The following C19orf73 variants were observed in gnomAD, a reference collection of about 807,000 sequenced individuals.
The protein encoded by C19orf73 is chromosome 19 open reading frame 73, also known as putative uncharacterized protein C19orf73.
For synonymous variants in C19orf73, 86 were observed against 79.1 expected (o/e 1.09, Z -0.46); for missense variants, 211 against 177.6 (o/e 1.19, Z -1.07).
chr19:49,119,100 C>A lies in C19orf73; in HGVS notation c.-78G>T. On this transcript the variant is annotated 5_prime_UTR_variant, in exon 1 of 1. Transcript: ENST00000408991. The stretch of plus-strand genomic sequence containing the variant: ...CCACTGCCGGGAGCCGGGGTCGCGA[C>A]TCGCGTTCCACGCCGCGCGCTACTC... 1.9e-6 allele frequency: 3 copies of A among 1,586,752 alleles called. No individual in the cohort carries two copies. Among genetic ancestry groups the A allele is most frequent in the Non-Finnish European group, 2.6e-6 (3 of 1,164,518 alleles).
chr19:49,118,726 C>G lies in C19orf73; in HGVS notation c.297G>C (p.Gln99His), dbSNP rs958245401. 1.2e-6 allele frequency: 2 copies of G among 1,614,052 alleles called. No homozygotes were observed. Among genetic ancestry groups the G allele is most frequent in the Admixed American group, 1.7e-5 (1 of 60,008 alleles). Residue 99 changes from glutamine to histidine, a missense_variant, in exon 1 of 1, where the codon CAG becomes CAC. By Grantham distance (24) the Gln-to-His change is conservative. Transcript: ENST00000408991. Reference protein sequence around the residue: ...LWRKGLGLRPQTLLRVGSVVL... With the variant: ...LWRKGLGLRPHTLLRVGSVVL... ...CAACGCTGCCTACCCTTAAGAGCGT[C>G]TGAGGGCGAAGGCCAAGTCCCTTCC...
chr19:49,118,762 T>A lies in C19orf73; in HGVS notation c.261A>T (p.Ser87=), dbSNP rs752444902. Reference sequence around the variant, plus strand: ...GGCCAAGTCCCTTCCTCCAGAGTCCTGAAACGCAGCCGGAGCCAGTGGGCG... The same window carrying A: ...GGCCAAGTCCCTTCCTCCAGAGTCCAGAAACGCAGCCGGAGCCAGTGGGCG... ...QRPPTGSGCV[S]GLWRKGLGLR... Residue 87 remains serine, a synonymous_variant, in exon 1 of 1, where the codon TCA becomes TCT. Transcript: ENST00000408991. 7.4e-6 allele frequency: 12 copies of A among 1,614,218 alleles called. No individual in the cohort carries two copies. Among genetic ancestry groups the A allele is most frequent in the Non-Finnish European group, 1.0e-5 (12 of 1,180,024 alleles).
Position 49,119,129 on chromosome 19 carries a change from C to T in C19orf73, c.-107G>A, listed in dbSNP as rs893930833. ...CGTTCCACGCCGCGCGCTACTCGCT[C>T]CAGGTGACATCATCCCCCTGCCGGG... On this transcript the variant is annotated 5_prime_UTR_variant, in exon 1 of 1. Coordinates refer to ENST00000408991, the MANE Select transcript of C19orf73 (RefSeq NM_018111.3). 74 of 1,491,212 alleles carry T rather than the reference C, an allele frequency of 5.0e-5. 5 individuals are homozygous for T. The highest frequency in any genetic ancestry group is 2.0e-5 in the Admixed American group (1 of 49,472). 92.4% of individuals were successfully genotyped at this position (1,491,212 alleles called of 1,614,324 possible).
Position 49,118,639 on chromosome 19 carries a change from C to G in C19orf73, c.384G>C (p.Ser128=). 6.2e-7 allele frequency: 1 copy of G among 1,608,198 alleles called. No homozygotes were observed. Among genetic ancestry groups the G allele is most frequent in the Non-Finnish European group, 8.5e-7 (1 of 1,176,092 alleles). ...CAGGCCGGCTTCCAAGAGACTAGTCCGAGGGCGGAGGGCGGAGGCAGGGAC... is the reference window on the plus strand; with the variant it reads ...CAGGCCGGCTTCCAAGAGACTAGTCGGAGGGCGGAGGGCGGAGGCAGGGAC... ...RLGPCLRPPP[S]D The change falls in exon 1 of 1, where the codon TCG becomes TCC. Residue 128 remains serine, a synonymous_variant. Transcript: ENST00000408991.
Position 49,118,972 on chromosome 19 carries a change from C to A in C19orf73, c.51G>T (p.Ala17=), listed in dbSNP as rs1409161176. The stretch of plus-strand genomic sequence containing the variant: ...CGCTCACTCCACCTTCCAAACACAG[C>A]GCGTCTTTCCGGAAGCAGCCCCCGC... ...FQGGGCFRKD[A]LCLEGGVSAR... is the part of the protein sequence containing the mutation. The change falls in exon 1 of 1, where the codon GCG becomes GCT. Residue 17 remains alanine (A), a synonymous_variant. Coordinates refer to ENST00000408991, the MANE Select transcript of C19orf73 (RefSeq NM_018111.3). 4 of 1,613,574 alleles carry A rather than the reference C, an allele frequency of 2.5e-6. No individual in the cohort carries two copies. Among genetic ancestry groups the A allele is most frequent in the Non-Finnish European group, 3.4e-6 (4 of 1,179,858 alleles).
rs2040876905 is a variant in C19orf73 at position 49,118,581 on chromosome 19, G to A, written c.*52C>T. On this transcript the variant is annotated 3_prime_UTR_variant, in exon 1 of 1. Transcript: ENST00000408991. ...CCTTTTCCAGAGTCTGAGAACAGAG[G>A]TTAAGACCTCTCCCTAGGTCTGAAG... The A allele has an allele frequency of 2.8e-5, 45 of 1,579,898 alleles. No individual in the cohort carries two copies. Among genetic ancestry groups the A allele is most frequent in the East Asian group, 4.5e-5 (2 of 44,618 alleles).
Position 49,118,589 on chromosome 19 carries a change from C to A in C19orf73, c.*44G>T. 1 of 1,582,636 alleles carries A rather than the reference C, an allele frequency of 6.3e-7. No homozygotes were observed. Among genetic ancestry groups the A allele is most frequent in the Non-Finnish European group, 8.6e-7 (1 of 1,163,310 alleles). The stretch of plus-strand genomic sequence containing the variant: ...AGAGTCTGAGAACAGAGGTTAAGAC[C>A]TCTCCCTAGGTCTGAAGGCGGAGAC... On this transcript the variant is annotated 3_prime_UTR_variant, in exon 1 of 1. Transcript: ENST00000408991.
chr19:49,118,608 C>T lies in C19orf73; in HGVS notation c.*25G>A, dbSNP rs1172793983. ...TAAGACCTCTCCCTAGGTCTGAAGGCGGAGACAGGCCGGCTTCCAAGAGAC... is the reference window on the plus strand; with the variant it reads ...TAAGACCTCTCCCTAGGTCTGAAGGTGGAGACAGGCCGGCTTCCAAGAGAC... On this transcript the variant is annotated 3_prime_UTR_variant, in exon 1 of 1. Coordinates refer to ENST00000408991, the MANE Select transcript of C19orf73 (RefSeq NM_018111.3). 6 of 1,593,888 alleles carry T rather than the reference C, an allele frequency of 3.8e-6. No individual in the cohort carries two copies. In the South Asian group the frequency reaches 5.6e-5, roughly 15 times the overall value.
chr19:49,118,450 T>C lies in C19orf73; in HGVS notation c.*183A>G, dbSNP rs766046132. Reference sequence around the variant, plus strand: ...GTTCCTGGCACTTTATTTAAAGATATTTGACCCTCACTGAGTGTCTGTGTG... The same window carrying C: ...GTTCCTGGCACTTTATTTAAAGATACTTGACCCTCACTGAGTGTCTGTGTG... On this transcript the variant is annotated 3_prime_UTR_variant, in exon 1 of 1. Transcript: ENST00000408991. 1 of 1,589,010 alleles carries C rather than the reference T, an allele frequency of 6.3e-7. No homozygotes were observed. Among genetic ancestry groups the C allele is most frequent in the Non-Finnish European group, 8.6e-7 (1 of 1,157,264 alleles).
At position 49,119,010 on chromosome 19, in the gene C19orf73, C is replaced by T. The variant is rs202225775; in HGVS notation, c.13G>A (p.Val5Ile). ...AAGCAGCCCCCGCCTTGAAATCCAACCTTTAGCCTCATCCCGCTGCCCGCC... is the reference window on the plus strand; with the variant it reads ...AAGCAGCCCCCGCCTTGAAATCCAATCTTTAGCCTCATCCCGCTGCCCGCC... Reference protein sequence around the residue: MRLKVGFQGGGCFRK... With the variant: MRLKIGFQGGGCFRK... Residue 5 changes from valine (V) to isoleucine (I), a missense_variant, in exon 1 of 1, where the codon GTT becomes ATT. Coordinates refer to ENST00000408991, the MANE Select transcript of C19orf73 (RefSeq NM_018111.3). The T allele has an allele frequency of 5.6e-5, 91 of 1,613,510 alleles. No individual in the cohort carries two copies. The highest frequency in any genetic ancestry group is 2.2e-5 in the South Asian group (2 of 91,090).
chr19:49,118,496 T>C lies in C19orf73; in HGVS notation c.*137A>G. The C allele has an allele frequency of 6.4e-7, 1 of 1,565,244 alleles. No individual in the cohort carries two copies. The highest frequency in any genetic ancestry group is 1.4e-5 in the African/African-American group (1 of 74,018). On this transcript the variant is annotated 3_prime_UTR_variant, in exon 1 of 1. Coordinates refer to ENST00000408991, the MANE Select transcript of C19orf73 (RefSeq NM_018111.3). ...GTGTGTCTGTCCTGCATCCCTGGGT[T>C]GGTGTCTTGAGATGTGGAGGGAATG...
Position 49,119,097 on chromosome 19 carries a change from C to G in C19orf73, c.-75G>C. The G allele has an allele frequency of 2.5e-6, 4 of 1,590,704 alleles. No individual in the cohort carries two copies. The highest frequency in any genetic ancestry group is 3.4e-6 in the Non-Finnish European group (4 of 1,167,450). Reference sequence around the variant, plus strand: ...GCGCCACTGCCGGGAGCCGGGGTCGCGACTCGCGTTCCACGCCGCGCGCTA... The same window carrying G: ...GCGCCACTGCCGGGAGCCGGGGTCGGGACTCGCGTTCCACGCCGCGCGCTA... On this transcript the variant is annotated 5_prime_UTR_variant, in exon 1 of 1. Transcript: ENST00000408991.
chr19:49,119,009 A>C lies in C19orf73; in HGVS notation c.14T>G (p.Val5Gly). 1 of 1,613,300 alleles carries C rather than the reference A, an allele frequency of 6.2e-7. No individual in the cohort carries two copies. The highest frequency in any genetic ancestry group is 8.5e-7 in the Non-Finnish European group (1 of 1,179,726). The change falls in exon 1 of 1, where the codon GTT (valine) becomes GGT (glycine). Residue 5 changes from valine (V) to glycine (G), a missense_variant. By Grantham distance (109) the Val-to-Gly change is moderately radical. Coordinates refer to ENST00000408991, the MANE Select transcript of C19orf73 (RefSeq NM_018111.3). ...GAAGCAGCCCCCGCCTTGAAATCCA[A>C]CCTTTAGCCTCATCCCGCTGCCCGC... is the stretch of plus-strand genomic sequence containing the variant. MRLK[V>G]GFQGGGCFRK...
Position 49,118,412 on chromosome 19 carries a change from T to A in C19orf73, c.*221A>T. ...GACGTTCACGTGCACTCTCTTCCTG[T>A]ACAGTATTTATTGTTCCTGGCACTT... On this transcript the variant is annotated 3_prime_UTR_variant, in exon 1 of 1. Coordinates refer to ENST00000408991, the MANE Select transcript of C19orf73 (RefSeq NM_018111.3). The A allele has an allele frequency of 6.2e-7, 1 of 1,610,418 alleles. No individual in the cohort carries two copies. Among genetic ancestry groups the A allele is most frequent in the Non-Finnish European group, 8.5e-7 (1 of 1,176,594 alleles).
rs1600313069 is a variant in C19orf73, at chr19:49,118,469, C to G, written c.*164G>C. 5.1e-6 allele frequency: 8 copies of G among 1,568,658 alleles called. No individual in the cohort carries two copies. Among genetic ancestry groups the G allele is most frequent in the East Asian group, 4.5e-5 (2 of 44,672 alleles). On this transcript the variant is annotated 3_prime_UTR_variant, in exon 1 of 1. Transcript: ENST00000408991. ...AAGATATTTGACCCTCACTGAGTGTCTGTGTGTCTGTCCTGCATCCCTGGG... is the reference window on the plus strand; with the variant it reads ...AAGATATTTGACCCTCACTGAGTGTGTGTGTGTCTGTCCTGCATCCCTGGG...
Position 49,118,934 on chromosome 19 carries a change from C to T in C19orf73, c.89G>A (p.Arg30Lys), listed in dbSNP as rs201877645. Residue 30 changes from arginine to lysine, a missense_variant, in exon 1 of 1, where the codon AGG becomes AAG. Arg to Lys is a conservative substitution (Grantham distance 26). Coordinates refer to ENST00000408991, the MANE Select transcript of C19orf73 (RefSeq NM_018111.3). ...GCGCAGGGGTGCAGAATGAGGTGCCCTCGCCCACCGGGCGCTCACTCCACC... is the reference window on the plus strand; with the variant it reads ...GCGCAGGGGTGCAGAATGAGGTGCCTTCGCCCACCGGGCGCTCACTCCACC... Reference protein sequence around the residue: ...LEGGVSARWARAPHSAPLRPP... With the variant: ...LEGGVSARWAKAPHSAPLRPP... The T allele has an allele frequency of 3.3e-5, 54 of 1,613,542 alleles. No homozygotes were observed. Among genetic ancestry groups the T allele is most frequent in the Middle Eastern group, 3.3e-4 (2 of 6,060 alleles).
rs1445417396 is a variant in C19orf73 at position 49,118,790 on chromosome 19, C to T, written c.233G>A (p.Arg78Lys). 2 of 1,614,082 alleles carry T rather than the reference C, an allele frequency of 1.2e-6. No individual in the cohort carries two copies. Among genetic ancestry groups the T allele is most frequent in the African/African-American group, 2.7e-5 (2 of 74,942 alleles). The part of the protein sequence containing the change: ...LMVRSAPPTQ[R>K]PPTGSGCVSG... ...AACGCAGCCGGAGCCAGTGGGCGGC[C>T]TCTGTGTGGGCGGGGCGGAGCGAAC... is the stretch of plus-strand genomic sequence containing the variant. The change falls in exon 1 of 1, where the codon AGG (arginine) becomes AAG (lysine). Residue 78 changes from arginine to lysine, a missense_variant. Transcript: ENST00000408991.
Position 49,119,132 on chromosome 19 carries a change from G to C in C19orf73, c.-110C>G. ...TCCACGCCGCGCGCTACTCGCTCCAGGTGACATCATCCCCCTGCCGGGCTC... is the reference window on the plus strand; with the variant it reads ...TCCACGCCGCGCGCTACTCGCTCCACGTGACATCATCCCCCTGCCGGGCTC... On this transcript the variant is annotated 5_prime_UTR_variant, in exon 1 of 1. Transcript: ENST00000408991. The C allele has an allele frequency of 6.8e-7, 1 of 1,474,084 alleles. No individual in the cohort carries two copies. Among genetic ancestry groups the C allele is most frequent in the Middle Eastern group, 2.0e-4 (1 of 5,102 alleles). The allele number at this position is 1,474,084 out of a possible 1,614,324, so 91.3% of individuals were successfully genotyped here.
In C19orf73 at chr19:49,118,739, C is replaced by G; in HGVS notation, c.284G>C (p.Gly95Ala). 1 of 1,614,224 alleles carries G rather than the reference C, an allele frequency of 6.2e-7. No individual in the cohort carries two copies. Among genetic ancestry groups the G allele is most frequent in the Non-Finnish European group, 8.5e-7 (1 of 1,180,026 alleles). Residue 95 changes from glycine (G) to alanine (A), a missense_variant, in exon 1 of 1, where the codon GGC becomes GCC. Transcript: ENST00000408991. ...CVSGLWRKGLGLRPQTLLRVG... is the reference protein window; with the variant it reads ...CVSGLWRKGLALRPQTLLRVG... ...CCTTAAGAGCGTCTGAGGGCGAAGG[C>G]CAAGTCCCTTCCTCCAGAGTCCTGA...
Sources: gnomAD v4.1 joint callset for allele counts on GRCh38, gnomAD v4.1.1 for gene constraint, MANE v1.5 for transcripts, NCBI Gene and HGNC (gene_info 2026-07-23, HGNC 2026-07-21) for gene names.